The following SKI variants were observed in gnomAD, a reference collection of about 807,000 sequenced individuals.
SKI encodes the protein ski oncogene.
SKI carries 23 observed loss-of-function variants against 59.3 expected under a neutral mutation model. The ratio of observed to expected loss-of-function variants is 0.39; its 90% CI spans 0.28 to 0.55. The LOEUF (loss-of-function observed/expected upper bound fraction) is 0.55. SKI is among the 20% of genes least tolerant of loss of function. SKI has a pLI of 0.67. For synonymous variants in SKI, 673 were observed against 488.6 expected, an observed-to-expected ratio of 1.38 and a Z score of -4.98; for missense variants, 1,017 against 1,038.9, an observed-to-expected ratio of 0.98 and a Z score of 0.29.
chr1:2,275,028 C>T (rs374994899), intron 1 of SKI, among the ~76,000 whole-genome samples: 40 of 152,326 alleles, frequency 2.6e-4, no homozygotes, highest in African/African-American at 8.9e-4. Context: ...GCACCTCTCA[C>T]CCACCCAAGC....
intron 1 of SKI, among the ~76,000 whole-genome samples, chr1:2,249,344 G>A (rs546338084): frequency 6.6e-6 from 1 of 152,328 alleles, no homozygotes; most frequent in Middle Eastern, 3.4e-3. Context: ...TAGCGTTGCC[G>A]GCCACGCAGA....
At chr1:2,291,902 G>A (rs1640170720) in intron 1 of SKI, among the ~76,000 whole-genome samples, 1 of 152,210 alleles carries the variant, frequency 6.6e-6, no homozygotes, top group Non-Finnish European at 1.5e-5. Context: ...TTCATTTTGG[G>A]GCTTGGGGTT....
intron 1 of SKI, among the ~76,000 whole-genome samples, chr1:2,266,259 T>C (rs997916399): frequency 2.6e-5 from 4 of 152,138 alleles, no homozygotes; most frequent in Non-Finnish European, 5.9e-5. Context: ...TCTTTGTGGG[T>C]GACTCTTCCC....
chr1:2,249,183 G>C (rs897809390), intron 1 of SKI, among the ~76,000 whole-genome samples: 3 of 152,232 alleles, frequency 2.0e-5, no homozygotes, highest in Non-Finnish European at 4.4e-5. Flanking sequence ...GTTGGTGGGC[G>C]TGCAGGGTGT....
At chr1:2,258,930 G>C (rs952105220) in intron 1 of SKI, among the ~76,000 whole-genome samples, 5 of 152,198 alleles carry the variant, frequency 3.3e-5, no homozygotes, top group African/African-American at 1.2e-4. Flanking sequence ...GTTTGCCTCG[G>C]GGTGTGTTCC....
intron 1 of SKI, among the ~76,000 whole-genome samples, chr1:2,266,993 C>T (rs777486746): frequency 1.1e-4 from 16 of 152,150 alleles, no homozygotes; most frequent in East Asian, 1.9e-4. Flanking sequence ...TTAAAAACAT[C>T]GCTGAATTGT....
At chr1:2,293,998 G>A (rs928823235) in intron 1 of SKI, among the ~76,000 whole-genome samples, 6 of 152,336 alleles carry the variant, frequency 3.9e-5, no homozygotes, top group South Asian at 2.1e-4. Flanking sequence ...CTGTGGCCTC[G>A]GAGGCTCCCC....
Position 2,302,961 on chromosome 1 carries a change from C to T in SKI, c.970-17C>T, listed in dbSNP as rs369057826. On this transcript the variant is annotated splice_polypyrimidine_tract_variant and intron_variant, in intron 1 of 6. Transcript: ENST00000378536. ...CTGGGAACCACAGGTGCCAACAAAA[C>T]CTTTCATTGATCGCAGGTCTCCTCT... 1 of 1,613,366 alleles carries T rather than the reference C, an allele frequency of 6.2e-7. No homozygotes were observed. The highest frequency in any genetic ancestry group is 1.3e-5 in the African/African-American group (1 of 75,068).
At position 2,303,843 on chromosome 1, in the gene SKI, C is replaced by T; in HGVS notation, c.1215C>T (p.Phe405=). Residue 405 remains phenylalanine (F), a synonymous_variant, in exon 4 of 7, where the codon TTC becomes TTT. Transcript: ENST00000378536. The surrounding 1 kb of genome is among the most constrained non-coding windows in gnomAD (Gnocchi z 5.6). ...CGACACCCGCCTGCCCCTCCAGCTT[C>T]TACTCCTACAAGAGCTTTGAGACAG... is the stretch of plus-strand genomic sequence containing the variant. The part of the protein sequence containing the change: ...PHLPALIRDS[F]YSYKSFETAV... The T allele has an allele frequency of 1.2e-6, 2 of 1,612,536 alleles. No individual in the cohort carries two copies. The highest frequency in any genetic ancestry group is 2.2e-5 in the East Asian group (1 of 44,878).
At chr1:2,272,897 CTG>C (rs895923154) in intron 1 of SKI, among the ~76,000 whole-genome samples, 12 of 152,220 alleles carry the variant, frequency 7.9e-5, no homozygotes, top group African/African-American at 2.9e-4. Context: ...TCGCTGGCGT[CTG>C]TGCTTCTTCC....
intron 1 of SKI, among the ~76,000 whole-genome samples, chr1:2,231,817 C>T (rs1461670630): frequency 2.0e-5 from 3 of 152,230 alleles, no homozygotes; most frequent in African/African-American, 7.2e-5. Flanking sequence ...GGGTGGGGCA[C>T]CCATCCTGCC....
intron 1 of SKI, among the ~76,000 whole-genome samples, chr1:2,292,488 G>A (rs1640182655): frequency 6.6e-6 from 1 of 152,206 alleles, no homozygotes; most frequent in African/African-American, 2.4e-5. Context: ...CTGCAGCCAG[G>A]TGGAGACCCC....
chr1:2,303,243 T>A lies in SKI; in HGVS notation c.1096-42T>A. On this transcript the variant is annotated intron_variant, in intron 2 of 6. Transcript: ENST00000378536. The surrounding 1 kb of genome is among the most constrained non-coding windows in gnomAD (Gnocchi z 5.6). ...AGCCTCAGGGACATGAAGTGGCTTG[T>A]TTTTCTCCTGGTCACTCACACAGAC... is the stretch of plus-strand genomic sequence containing the variant. 6.2e-7 allele frequency: 1 copy of A among 1,607,846 alleles called. No individual in the cohort carries two copies.
chr1:2,289,042 G>T (rs958824290), intron 1 of SKI, among the ~76,000 whole-genome samples: 3 of 152,214 alleles, frequency 2.0e-5, no homozygotes, highest in Non-Finnish European at 4.4e-5. Context: ...AGTGTGGTCA[G>T]CTTGCTGCAC....
chr1:2,245,788 CTTTT>C lies in SKI; in HGVS notation c.969+16076_969+16079del, dbSNP rs766445644. Among the ~76,000 whole-genome samples the C allele has an allele frequency of 4.3e-3, 304 of 70,366 alleles. 3 individuals are homozygous for C. Among genetic ancestry groups the C allele is most frequent in the African/African-American group, 0.015 (262 of 17,116 alleles). The allele number at this position is 70,366 out of a possible 152,430, so 46.2% of individuals were successfully genotyped here. A position where few individuals can be genotyped will look rare whatever the true frequency, so the allele number is the denominator to read the frequency against. On this transcript the variant is annotated intron_variant, in intron 1 of 6. Coordinates refer to ENST00000378536, the MANE Select transcript of SKI (RefSeq NM_003036.4). ...ACTGCACCTGGCCCTATTTTTCCTTCTTTTTTTTTTTTTTTTTTTTTTTTTTGAG... is the reference window on the plus strand; with the variant it reads ...ACTGCACCTGGCCCTATTTTTCCTTCTTTTTTTTTTTTTTTTTTTTTTGAG...
At chr1:2,288,036 T>C (rs553684871) in intron 1 of SKI, among the ~76,000 whole-genome samples, 3 of 152,174 alleles carry the variant, frequency 2.0e-5, no homozygotes, top group Admixed American at 6.5e-5. Context: ...TTGCCCAGGC[T>C]GGACTGCAAT....
At chr1:2,280,164 TAA>T (rs1403226785) in intron 1 of SKI, among the ~76,000 whole-genome samples, 1 of 150,826 alleles carries the variant, frequency 6.6e-6, no homozygotes, top group African/African-American at 2.4e-5. Flanking sequence ...GGTCAGGAGT[TAA>T]AGATTAGCCT....
chr1:2,301,380 C>A (rs1640420754), intron 1 of SKI, among the ~76,000 whole-genome samples: 1 of 152,248 alleles, frequency 6.6e-6, no homozygotes, highest in Non-Finnish European at 1.5e-5. Context: ...CGTGAGCCTT[C>A]AGGGGCTGCC....
intron 1 of SKI, among the ~76,000 whole-genome samples, chr1:2,271,623 G>A (rs1557831812): frequency 6.6e-6 from 1 of 151,856 alleles, no homozygotes; most frequent in African/African-American, 2.4e-5. Context: ...CTCGCCCCTC[G>A]GGAACCTTTG....
Sources: gnomAD v4.1 joint callset for allele counts (sites outside exome capture counted in the v4.1 genomes callset) on GRCh38, gnomAD v4.1.1 for gene constraint, Gnocchi (gnomAD v3.1) non-coding constraint, MANE v1.5 for transcripts, NCBI Gene and HGNC (gene_info 2026-07-23, HGNC 2026-07-21) for gene names.